The following CCDC149 variants were observed in gnomAD, a reference collection of about 807,000 sequenced individuals.
CCDC149 encodes the protein coiled-coil domain containing 149, also known as coiled-coil domain-containing protein 149.
In CCDC149, 45 loss-of-function variants were observed where a neutral mutation model predicts 59.9. That is an observed-to-expected ratio of 0.75 (90% CI 0.59 to 0.96). The LOEUF is 0.96. CCDC149 is among the 40% of genes least tolerant of loss of function. CCDC149 has a pLI of 0.00. For missense variants in CCDC149, 584 were observed against 664.7 expected (o/e 0.88, Z 1.33); for synonymous variants, 245 against 260.6 (o/e 0.94, Z 0.58).
At chr4:24,929,830 A>G (rs1722534299) in intron 1 of CCDC149, among the ~76,000 whole-genome samples, 1 of 152,138 alleles carries the variant, frequency 6.6e-6, no homozygotes, top group African/African-American at 2.4e-5. Flanking sequence ...TATTGCTTAT[A>G]TAATATTTTT....
intron 1 of CCDC149, among the ~76,000 whole-genome samples, chr4:24,912,070 GAGGCCGGCAGCTTCTCCCGGC>G (rs756930107): frequency 7.2e-5 from 11 of 152,190 alleles, no homozygotes; most frequent in South Asian, 4.1e-4. Flanking sequence ...CTCACCTGGA[GAGGCCGGCAGCTTCTCCCGGC>G]AGGCCGGCAA....
chr4:24,947,191 T>G (rs1234785452), intron 1 of CCDC149, among the ~76,000 whole-genome samples: 1 of 152,206 alleles, frequency 6.6e-6, no homozygotes, highest in African/African-American at 2.4e-5. Flanking sequence ...CCAAATCTCA[T>G]CTCAAATTTT....
chr4:24,813,489 A>AATATATCTATATATATATATATAT (rs1186488610), intron 12 of CCDC149, among the ~76,000 whole-genome samples: 2 of 113,722 alleles, frequency 1.8e-5, no homozygotes, highest in African/African-American at 8.0e-5. Context: ...CAGCTTGGGG[A>AATATATCTATATATATATATATAT]ATATATATAT....
intron 1 of CCDC149, among the ~76,000 whole-genome samples, chr4:24,968,415 T>C (rs1723867497): frequency 6.6e-6 from 1 of 152,190 alleles, no homozygotes; most frequent in Admixed American, 6.5e-5. Flanking sequence ...GACTGGGACA[T>C]TGCAGACATC....
chr4:24,941,096 C>A (rs964506045), intron 1 of CCDC149, among the ~76,000 whole-genome samples: 12 of 152,176 alleles, frequency 7.9e-5, no homozygotes, highest in Admixed American at 3.9e-4. Flanking sequence ...AATATACATT[C>A]TTTTCAGCAC....
At chr4:24,804,256 G>C (rs188096443), downstream of CCDC149, among the ~76,000 whole-genome samples, 78 of 152,278 alleles carry the variant, frequency 5.1e-4, 1 homozygote, top group African/African-American at 1.8e-3. Flanking sequence ...ACTTTGGGAG[G>C]CCGAGGAAGG....
intron 3 of CCDC149, among the ~76,000 whole-genome samples, chr4:24,867,271 G>A (rs1191146172): frequency 1.3e-5 from 2 of 152,222 alleles, no homozygotes; most frequent in Non-Finnish European, 1.5e-5. Flanking sequence ...CTATGAACAG[G>A]AGGAAATTGA....
chr4:24,969,715 C>T (rs539384590), intron 1 of CCDC149, among the ~76,000 whole-genome samples: 54 of 152,330 alleles, frequency 3.5e-4, no homozygotes, highest in African/African-American at 1.1e-3. Flanking sequence ...GGATGACCTC[C>T]TTCGACCAGG....
intron 1 of CCDC149, among the ~76,000 whole-genome samples, chr4:24,936,579 C>CT (rs1722784055): frequency 6.6e-6 from 1 of 152,188 alleles, no homozygotes; most frequent in Admixed American, 6.5e-5. Flanking sequence ...AAAATCTCCT[C>CT]TTTCCGCTTT....
At chr4:24,931,379 T>C (rs1722584131) in intron 1 of CCDC149, among the ~76,000 whole-genome samples, 1 of 148,900 alleles carries the variant, frequency 6.7e-6, no homozygotes, top group South Asian at 2.1e-4. Flanking sequence ...AAGCCTAAAC[T>C]CCCAGTGCCT....
chr4:24,926,715 A>G lies in CCDC149; in HGVS notation c.-64-31597T>C, dbSNP rs73250632. Among the ~76,000 whole-genome samples, 976 of 152,308 alleles carry G rather than the reference A, an allele frequency of 6.4e-3. 7 individuals are homozygous for G. The highest frequency in any genetic ancestry group is 0.011 in the Non-Finnish European group (782 of 68,032). ...GGAATTCAGAAATGGCGTAACAGGG[A>G]AAGCTTGTCTCTGCCCTGTTTAGGG... is the stretch of plus-strand genomic sequence containing the variant. On this transcript the variant is annotated intron_variant, in intron 1 of 12. Coordinates refer to the CCDC149 transcript ENST00000389609.
intron 1 of CCDC149, among the ~76,000 whole-genome samples, chr4:24,953,416 C>T (rs542267175): frequency 6.6e-6 from 1 of 152,270 alleles, no homozygotes; most frequent in African/African-American, 2.4e-5. Context: ...GAGACCCAAA[C>T]ATTAAAGACT....
intron 2 of CCDC149, among the ~76,000 whole-genome samples, chr4:24,874,907 G>A (rs1030412258): frequency 4.6e-5 from 7 of 152,140 alleles, no homozygotes; most frequent in African/African-American, 1.7e-4. Context: ...CATCTTAAAC[G>A]TTTTGCCATA....
chr4:24,896,041 G>A (rs1278897720), intron 1 of CCDC149, among the ~76,000 whole-genome samples: 1 of 152,204 alleles, frequency 6.6e-6, no homozygotes, highest in African/African-American at 2.4e-5. Context: ...CATGCAGGGC[G>A]CCTGAATCCA....
At chr4:24,921,989 G>A (rs916735015) in intron 1 of CCDC149, among the ~76,000 whole-genome samples, 2 of 152,170 alleles carry the variant, frequency 1.3e-5, no homozygotes, top group African/African-American at 4.8e-5. Context: ...GCATCGGCAG[G>A]GTTGGTCCCT....
chr4:24,828,642 G>A (rs143737331), intron 9 of CCDC149: 8,212 of 152,014 alleles, frequency 0.054, 292 homozygotes, highest in Non-Finnish European at 0.077. Flanking sequence ...TTAGTCAGGC[G>A]TGGTGGCATG....
Position 24,978,072 on chromosome 4 carries a change from C to T in CCDC149, c.-65+1997G>A, listed in dbSNP as rs1235306611. On this transcript the variant is annotated intron_variant, in intron 1 of 12. Coordinates refer to the CCDC149 transcript ENST00000389609. The stretch of plus-strand genomic sequence containing the variant: ...GCTTGAACCCAAGACTTTGGGGCTG[C>T]ACTGACCTATATTTGCACCACTAAC... Among the ~76,000 whole-genome samples the T allele has an allele frequency of 3.3e-5, 5 of 152,178 alleles. No individual in the cohort carries two copies. In the East Asian group the frequency reaches 7.7e-4, roughly 23 times the overall value.
At position 24,838,140 on chromosome 4, in the gene CCDC149, A is replaced by G; in HGVS notation, c.489+16T>C. ...TGCAAATGCATCCCCCACTCTGAAT[A>G]GATGTTAGTGAGAACCTGTTCCTTA... On this transcript the variant is annotated intron_variant, in intron 5 of 12. Coordinates refer to ENST00000635206, the MANE Select transcript of CCDC149 (RefSeq NM_001330643.2). 3.8e-6 allele frequency: 6 copies of G among 1,575,500 alleles called. No individual in the cohort carries two copies. The highest frequency in any genetic ancestry group is 5.2e-6 in the Non-Finnish European group (6 of 1,144,432).
At chr4:24,947,014 G>T (rs149285595) in intron 1 of CCDC149, among the ~76,000 whole-genome samples, 490 of 152,172 alleles carry the variant, frequency 3.2e-3, no homozygotes, top group African/African-American at 0.011. Context: ...CTTCCTCTCT[G>T]CCCAGGAAAA....
Sources: allele counts gnomAD v4.1 joint callset (sites outside exome capture counted in the v4.1 genomes callset), GRCh38; gene constraint gnomAD v4.1.1; transcripts MANE v1.5; gene names NCBI Gene and HGNC (gene_info 2026-07-23, HGNC 2026-07-21).